The following VPS37A variants were observed in gnomAD, a reference collection of about 807,000 sequenced individuals.
VPS37A encodes VPS37A subunit of ESCRT-I, also known as vacuolar protein sorting-associated protein 37A.
In VPS37A, 30 loss-of-function variants were observed where a neutral mutation model predicts 49.8. That is an observed-to-expected ratio of 0.60 (90% CI 0.45 to 0.82). The LOEUF is 0.82. Ranked by LOEUF, VPS37A falls within the 40% of genes least tolerant of loss-of-function variation. The probability of loss-of-function intolerance (pLI) is 0.00; values close to 1 mark genes in which losing one functional copy is unlikely to be tolerated. For synonymous variants in VPS37A, 195 were observed against 160.6 expected (o/e 1.21, Z -1.62); for missense variants, 593 against 464.4 (o/e 1.28, Z -2.55).
chr8:17,247,978 C>T, intron 1 of VPS37A: 2 of 564,484 alleles, frequency 3.5e-6, no homozygotes, highest in Non-Finnish European at 3.1e-6. Context: ...CTTGTCCCCA[C>T]GCTCAAGAAT....
intron 9 of VPS37A, 37 bp downstream of exon 9, chr8:17,280,480 T>G: frequency 1.3e-6 from 2 of 1,560,012 alleles, no homozygotes; most frequent in Non-Finnish European, 1.7e-6. Context: ...GCCATAGATT[T>G]TTTTTTTAAT....
chr8:17,262,868 C>T (rs1813086232), intron 1 of VPS37A, among the ~76,000 whole-genome samples: 1 of 152,000 alleles, frequency 6.6e-6, no homozygotes, highest in South Asian at 2.1e-4. Flanking sequence ...TGAGATCATC[C>T]TGGCCAACAT....
At chr8:17,276,580 C>A (rs1040894734) in intron 6 of VPS37A, 113 bp downstream of exon 6, 2 of 1,058,730 alleles carry the variant, frequency 1.9e-6, no homozygotes, top group Non-Finnish European at 2.7e-6. Context: ...TAATCCTAAA[C>A]AATATTGTTG....
chr8:17,331,016 G>C, the VPS37A span: 28 of 1,061,544 alleles, frequency 2.6e-5, no homozygotes, highest in Non-Finnish European at 3.6e-5. Context: ...TGTTTAAAAA[G>C]CCACTGTAAC....
chr8:17,328,018 G>C, the VPS37A span, among the ~76,000 whole-genome samples: 3 of 152,144 alleles, frequency 2.0e-5, no homozygotes, highest in African/African-American at 7.2e-5. Flanking sequence ...TTAGTTTAAT[G>C]AATACATTGA....
intron 11 of VPS37A, 70 bp downstream of exon 11, chr8:17,286,497 C>T (rs778111686): frequency 3.2e-5 from 44 of 1,365,372 alleles, no homozygotes; most frequent in South Asian, 6.2e-5. Context: ...ATGTTGTTAA[C>T]GGTGCCTGTT....
chr8:17,273,073 T>A (rs10094736), intron 4 of VPS37A, among the ~76,000 whole-genome samples: 1 of 125,128 alleles, frequency 8.0e-6, no homozygotes, highest in South Asian at 2.6e-4. Flanking sequence ...CTAAATGATA[T>A]GGTTTTGGAA....
At chr8:17,308,256 T>G in the VPS37A span, among the ~76,000 whole-genome samples, 1 of 152,120 alleles carries the variant, frequency 6.6e-6, no homozygotes, top group Non-Finnish European at 1.5e-5. Flanking sequence ...ATTTCCATAT[T>G]CTTTCTGTCA....
At position 17,295,178 on chromosome 8, in the gene VPS37A, G is replaced by A. The variant is rs1586099523; in HGVS notation, c.*192G>A. On this transcript the variant is annotated 3_prime_UTR_variant, in exon 12 of 12. Coordinates refer to ENST00000324849, the MANE Select transcript of VPS37A (RefSeq NM_152415.3). ...GCTATGATCTTTGAGAAATTTTTCT[G>A]CACTATTTGCACTGAAATGTTTATT... The A allele has an allele frequency of 6.5e-6, 1 of 152,684 alleles. No homozygotes were observed. The highest frequency in any genetic ancestry group is 1.9e-4 in the East Asian group (1 of 5,190). The allele number at this position is 152,684 out of a possible 1,614,324, so 9.5% of individuals were successfully genotyped here.
the VPS37A span, among the ~76,000 whole-genome samples, chr8:17,324,300 TG>T: frequency 6.6e-6 from 1 of 152,220 alleles, no homozygotes; most frequent in Non-Finnish European, 1.5e-5. Context: ...GGCTCCTGTG[TG>T]TTAAGTACTT....
chr8:17,278,066 T>G (rs999824989), intron 6 of VPS37A, among the ~76,000 whole-genome samples: 1 of 152,106 alleles, frequency 6.6e-6, no homozygotes, highest in Non-Finnish European at 1.5e-5. Flanking sequence ...GTTTTTTCCT[T>G]AGTGCCTCCT....
chr8:17,304,400 GT>G (rs1433190470), downstream of VPS37A: 1 of 1,613,806 alleles, frequency 6.2e-7, no homozygotes, highest in Admixed American at 1.7e-5. Flanking sequence ...GTTACATGGT[GT>G]TGTAGGGAGA....
At chr8:17,329,368 T>G in the VPS37A span, among the ~76,000 whole-genome samples, 2 of 152,236 alleles carry the variant, frequency 1.3e-5, no homozygotes, top group Non-Finnish European at 2.9e-5. Flanking sequence ...CCTACTGCAC[T>G]GCACGTAGCT....
chr8:17,309,931 C>CT, the VPS37A span, among the ~76,000 whole-genome samples: 2 of 152,134 alleles, frequency 1.3e-5, no homozygotes, highest in African/African-American at 4.8e-5. Context: ...ACATGAATTT[C>CT]TAAGTCTGAG....
At chr8:17,307,803 C>T in the VPS37A span, among the ~76,000 whole-genome samples, 1 of 151,540 alleles carries the variant, frequency 6.6e-6, no homozygotes, top group African/African-American at 2.4e-5. Context: ...AACCAAACAC[C>T]ACATGTTCTC....
At chr8:17,255,626 A>C (rs888738359) in intron 1 of VPS37A, among the ~76,000 whole-genome samples, 2 of 152,232 alleles carry the variant, frequency 1.3e-5, no homozygotes, top group Non-Finnish European at 2.9e-5. Flanking sequence ...AAATTGATAC[A>C]TGATAGCTGT....
At chr8:17,286,575 T>G (rs571397465) in intron 11 of VPS37A, 148 bp downstream of exon 11, 1 of 608,576 alleles carries the variant, frequency 1.6e-6, no homozygotes, top group South Asian at 2.4e-5. Flanking sequence ...CTTTGTATTA[T>G]ATAATAAGCA....
intron 4 of VPS37A, among the ~76,000 whole-genome samples, chr8:17,272,296 G>C (rs1439353605): frequency 6.6e-6 from 1 of 152,064 alleles, no homozygotes; most frequent in African/African-American, 2.4e-5. Context: ...TGTTGTCATA[G>C]CAGCATTCCA....
intron 1 of VPS37A, 187 bp downstream of exon 1, chr8:17,247,556 C>CT (rs1730962752): frequency 1.2e-6 from 1 of 817,590 alleles, no homozygotes; most frequent in Non-Finnish European, 2.0e-6. Context: ...CGGACCCTCC[C>CT]TGCCTCCTGC....
Sources: allele counts gnomAD v4.1 joint callset (sites outside exome capture counted in the v4.1 genomes callset), GRCh38; gene constraint gnomAD v4.1.1; transcripts MANE v1.5; gene names NCBI Gene and HGNC (gene_info 2026-07-23, HGNC 2026-07-21).